The following TBC1D22A variants were observed in gnomAD, a reference collection of about 807,000 sequenced individuals.
The protein encoded by TBC1D22A is TBC1 domain family member 22A.
In TBC1D22A, 38 loss-of-function variants were observed where a neutral mutation model predicts 60.2. The ratio of observed to expected loss-of-function variants is 0.63; its 90% CI spans 0.49 to 0.83. The LOEUF is 0.83. Among genes scored for constraint, TBC1D22A ranks in the 40% least tolerant of loss-of-function variants. TBC1D22A has a pLI of 0.00. For synonymous variants in TBC1D22A, 302 were observed against 281.7 expected (o/e 1.07, Z -0.72); for missense variants, 628 against 701.0 (o/e 0.90, Z 1.18).
Position 47,138,038 on chromosome 22 carries a change from C to T in TBC1D22A, c.1425+26435C>T, listed in dbSNP as rs77996800. ...ACACAGGTGCTCTGTGGAGTGTCATCGTCAGTGCCACTGTCACCTAATAGG... is the reference window on the plus strand; with the variant it reads ...ACACAGGTGCTCTGTGGAGTGTCATTGTCAGTGCCACTGTCACCTAATAGG... On this transcript the variant is annotated intron_variant, in intron 12 of 12. Transcript: ENST00000337137. Among the ~76,000 whole-genome samples the T allele has an allele frequency of 6.0e-3, 921 of 152,250 alleles. 9 individuals carry two copies. The highest frequency in any genetic ancestry group is 0.02 in the African/African-American group (826 of 41,554).
intron 10 of TBC1D22A, among the ~76,000 whole-genome samples, chr22:47,010,952 A>G (rs1003846802): frequency 2.6e-5 from 4 of 152,330 alleles, no homozygotes; most frequent in African/African-American, 9.6e-5. Context: ...GCTGCGGGGA[A>G]TGATGATAAT....
intron 5 of TBC1D22A, among the ~76,000 whole-genome samples, chr22:46,886,580 G>A (rs1320270372): frequency 2.0e-5 from 3 of 152,216 alleles, no homozygotes; most frequent in Non-Finnish European, 4.4e-5. Flanking sequence ...TTCACTGTAG[G>A]AAGTTTACTT....
intron 10 of TBC1D22A, among the ~76,000 whole-genome samples, chr22:47,024,872 A>G (rs1358521594): frequency 1.3e-5 from 2 of 152,294 alleles, no homozygotes; most frequent in Non-Finnish European, 2.9e-5. Context: ...AAAAAAAGAG[A>G]AAAGCCCACA....
intron 10 of TBC1D22A, among the ~76,000 whole-genome samples, chr22:47,025,746 T>G (rs2062232780): frequency 6.6e-6 from 1 of 152,048 alleles, no homozygotes; most frequent in Admixed American, 6.6e-5. Context: ...AGGCTGTGCT[T>G]AGAGGGAAAC....
At chr22:46,891,190 T>C (rs1256966134) in intron 5 of TBC1D22A, 76 bp from the exon 6 acceptor site, 2 of 1,460,228 alleles carry the variant, frequency 1.4e-6, no homozygotes, top group Non-Finnish European at 1.8e-6. Flanking sequence ...TGCAAGTCTT[T>C]TTATTTCACG....
At chr22:47,097,240 C>G (rs2065222689) in intron 11 of TBC1D22A, among the ~76,000 whole-genome samples, 2 of 152,220 alleles carry the variant, frequency 1.3e-5, no homozygotes, top group African/African-American at 4.8e-5. Flanking sequence ...AGTTTTGGCC[C>G]TTTGCTCTTC....
chr22:47,048,659 C>A (rs1315862809), intron 11 of TBC1D22A, among the ~76,000 whole-genome samples: 1 of 152,190 alleles, frequency 6.6e-6, no homozygotes, highest in Non-Finnish European at 1.5e-5. Context: ...CTTTCCTCTG[C>A]CGTCCCCTGT....
intron 4 of TBC1D22A, among the ~76,000 whole-genome samples, chr22:46,840,778 T>C (rs1291804335): frequency 6.6e-6 from 1 of 152,026 alleles, no homozygotes; most frequent in Non-Finnish European, 1.5e-5. Flanking sequence ...CGTGAGAATT[T>C]GTAGAAAGGG....
Position 46,873,494 on chromosome 22 carries a change from A to C in TBC1D22A, c.638-5159A>C, listed in dbSNP as rs1015849606. ...CTTTAAAGACCCTTATGGCAGATTT[A>C]TTTTAATTAATTAATTTACTTATTT... On this transcript the variant is annotated intron_variant, in intron 4 of 12. Transcript: ENST00000337137. 2.0e-5 allele frequency among the ~76,000 whole-genome samples: 3 copies of C among 152,194 alleles called. No homozygotes were observed. The East Asian group carries it at 5.8e-4, about 29-fold the overall frequency.
At chr22:46,999,558 G>A (rs1002802836) in intron 10 of TBC1D22A, among the ~76,000 whole-genome samples, 3 of 152,066 alleles carry the variant, frequency 2.0e-5, no homozygotes, top group African/African-American at 7.2e-5. Context: ...CATCATCCCT[G>A]AGCAAACTTG....
chr22:46,805,457 T>G (rs1324023652), intron 4 of TBC1D22A, among the ~76,000 whole-genome samples: 2 of 152,254 alleles, frequency 1.3e-5, no homozygotes, highest in African/African-American at 2.4e-5. Flanking sequence ...ACTGGTTCAC[T>G]GGCTCAGTGA....
At chr22:47,159,427 A>G (rs565371002) in intron 12 of TBC1D22A, among the ~76,000 whole-genome samples, 3 of 151,202 alleles carry the variant, frequency 2.0e-5, no homozygotes, top group South Asian at 4.2e-4. Flanking sequence ...CACAGACACC[A>G]TACAAACACA....
intron 8 of TBC1D22A, among the ~76,000 whole-genome samples, chr22:46,928,036 A>C (rs537882248): frequency 7.4e-4 from 113 of 152,328 alleles, no homozygotes; most frequent in Non-Finnish European, 1.3e-3. Flanking sequence ...TCCCTATCAA[A>C]AGCCTAAATG....
At chr22:47,060,035 C>T (rs1471931863) in intron 11 of TBC1D22A, among the ~76,000 whole-genome samples, 2 of 152,126 alleles carry the variant, frequency 1.3e-5, no homozygotes, top group Non-Finnish European at 2.9e-5. Context: ...GAAGAGGACT[C>T]TGGGGGCTCG....
chr22:47,124,057 G>A (rs2066365102), intron 12 of TBC1D22A, among the ~76,000 whole-genome samples: 1 of 152,186 alleles, frequency 6.6e-6, no homozygotes, highest in African/African-American at 2.4e-5. Flanking sequence ...TCCATGGTGG[G>A]TGCGCTTACT....
chr22:46,934,386 C>T (rs1484912263), intron 8 of TBC1D22A, among the ~76,000 whole-genome samples: 1 of 152,188 alleles, frequency 6.6e-6, no homozygotes, highest in Admixed American at 6.5e-5. Flanking sequence ...TGGGCACGCA[C>T]CCTTTCTCAG....
At chr22:46,792,806 TG>T in intron 2 of TBC1D22A, 5 of 1,451,866 alleles carry the variant, frequency 3.4e-6, no homozygotes, top group Middle Eastern at 1.8e-4. Context: ...TGTGGGGAGG[TG>T]GGGGAGCCCT....
intron 11 of TBC1D22A, among the ~76,000 whole-genome samples, chr22:47,078,309 G>C (rs2064311776): frequency 6.6e-6 from 1 of 152,188 alleles, no homozygotes; most frequent in African/African-American, 2.4e-5. Flanking sequence ...GGATGGACGT[G>C]AGTATGTTTC....
At chr22:47,111,452 T>C in intron 11 of TBC1D22A, 56 bp from the exon 12 acceptor site, 2 of 1,496,904 alleles carry the variant, frequency 1.3e-6, no homozygotes, top group Non-Finnish European at 1.9e-6. Flanking sequence ...AACCTCGCAG[T>C]GATGTTAATG....
Sources: gnomAD v4.1 joint callset for allele counts (sites outside exome capture counted in the v4.1 genomes callset) on GRCh38, gnomAD v4.1.1 for gene constraint, MANE v1.5 for transcripts, NCBI Gene and HGNC (gene_info 2026-07-23, HGNC 2026-07-21) for gene names.